The following VPS35L variants were observed in gnomAD, a reference collection of about 807,000 sequenced individuals.
VPS35L encodes the protein VPS35 endosomal protein sorting factor like.
A neutral mutation model predicts 133.0 loss-of-function variants in VPS35L; 83 were observed. The observed-to-expected ratio is 0.62, with a 90% CI of 0.52 to 0.75. The LOEUF (loss-of-function observed/expected upper bound fraction) is 0.75, where lower values mean the gene tolerates loss of function less well. VPS35L is among the 30% of genes least tolerant of loss of function. The probability of loss-of-function intolerance (pLI) is 0.00; values close to 1 mark genes in which losing one functional copy is unlikely to be tolerated. For synonymous variants in VPS35L, 423 were observed against 449.9 expected (o/e 0.94, Z 0.76); for missense variants, 1,083 against 1,206.8 (o/e 0.90, Z 1.52).
At chr16:19,660,897 T>A (rs1052175441) in intron 26 of VPS35L, among the ~76,000 whole-genome samples, 2 of 152,136 alleles carry the variant, frequency 1.3e-5, no homozygotes, top group African/African-American at 4.8e-5. Context: ...GATAAAAGTC[T>A]CCAATAATAT....
chr16:19,581,291 G>A (rs2151517698), intron 6 of VPS35L, among the ~76,000 whole-genome samples: 1 of 152,134 alleles, frequency 6.6e-6, no homozygotes, highest in South Asian at 2.1e-4. Flanking sequence ...AGGTGGCTTA[G>A]GTCTGACTTG....
chr16:19,665,531 T>C (rs900748580), intron 26 of VPS35L, among the ~76,000 whole-genome samples: 26 of 152,366 alleles, frequency 1.7e-4, no homozygotes, highest in African/African-American at 6.3e-4. Flanking sequence ...TATGGCTGCA[T>C]AGTACTCCAT....
At chr16:19,698,692 T>A (rs11859776) in intron 29 of VPS35L, among the ~76,000 whole-genome samples, 8 of 151,942 alleles carry the variant, frequency 5.3e-5, no homozygotes, top group African/African-American at 1.9e-4. Flanking sequence ...GGAGCAGACA[T>A]GAGACTCTTG....
intron 12 of VPS35L, among the ~76,000 whole-genome samples, chr16:19,614,500 TC>T (rs544850798): frequency 3.9e-5 from 6 of 152,254 alleles, no homozygotes; most frequent in Admixed American, 3.9e-4. Context: ...AACCACCACC[TC>T]CCGGGTTCAA....
At chr16:19,616,331 G>T in intron 13 of VPS35L, 140 bp downstream of exon 13, 2 of 716,154 alleles carry the variant, frequency 2.8e-6, no homozygotes, top group East Asian at 5.2e-5. Context: ...ACTAGCTTCT[G>T]TTGTAGACAA....
At position 19,695,457 on chromosome 16, in the gene VPS35L, T is replaced by C. The variant is rs570160331; in HGVS notation, c.2646+3986T>C. ...AAAGATGGAATGTTTCTGAAGAACA[T>C]TTCACGTGGCATCAATACCAGCGAT... On this transcript the variant is annotated intron_variant, in intron 29 of 30. Coordinates refer to ENST00000417362, the MANE Select transcript of VPS35L (RefSeq NM_020314.7). Among the ~76,000 whole-genome samples, 119 of 152,314 alleles carry C rather than the reference T, an allele frequency of 7.8e-4. 1 individual carries two copies. The highest frequency in any genetic ancestry group is 2.6e-3 in the African/African-American group (109 of 41,564).
chr16:19,640,114 C>T lies in VPS35L; in HGVS notation c.1784+14C>T, dbSNP rs770188371. The T allele has an allele frequency of 1.1e-5, 17 of 1,608,168 alleles. No homozygotes were observed. The highest frequency in any genetic ancestry group is 1.6e-4 in the Middle Eastern group (1 of 6,078). Reference sequence around the variant, plus strand: ...CGCCTTTATCAAGTGAGTGCCACTGCGTGCAGCAGAAGCCTTGATTCCCAA... The same window carrying T: ...CGCCTTTATCAAGTGAGTGCCACTGTGTGCAGCAGAAGCCTTGATTCCCAA... On this transcript the variant is annotated intron_variant, in intron 21 of 30. Transcript: ENST00000417362.
At chr16:19,630,769 A>G (rs960556737) in intron 18 of VPS35L, among the ~76,000 whole-genome samples, 15 of 152,022 alleles carry the variant, frequency 9.9e-5, no homozygotes, top group African/African-American at 3.6e-4. Context: ...CAGAGTCCTT[A>G]TGAAGGAGAT....
At chr16:19,642,595 T>C in intron 22 of VPS35L, 119 bp downstream of exon 22, 1 of 837,300 alleles carries the variant, frequency 1.2e-6, no homozygotes, top group Non-Finnish European at 1.7e-6. Context: ...ATTGGGAGTA[T>C]TAAGATTTTT....
intron 8 of VPS35L, among the ~76,000 whole-genome samples, chr16:19,592,937 C>T (rs1460661370): frequency 5.9e-5 from 9 of 151,982 alleles, no homozygotes; most frequent in South Asian, 2.1e-4. Flanking sequence ...CTGCCCTCCT[C>T]GGCCTCCCTA....
intron 29 of VPS35L, among the ~76,000 whole-genome samples, chr16:19,698,158 G>C (rs1239159900): frequency 6.6e-6 from 1 of 152,220 alleles, no homozygotes; most frequent in Non-Finnish European, 1.5e-5. Flanking sequence ...GCACTGGAAA[G>C]AATCTACTTC....
chr16:19,616,897 T>G (rs1239002999), intron 14 of VPS35L, 89 bp downstream of exon 14: 1 of 1,560,312 alleles, frequency 6.4e-7, no homozygotes, highest in African/African-American at 1.4e-5. Flanking sequence ...ATGGGACCCT[T>G]TCATAACAGC....
chr16:19,644,502 T>G (rs1973878949), intron 22 of VPS35L, among the ~76,000 whole-genome samples: 1 of 152,198 alleles, frequency 6.6e-6, no homozygotes. Context: ...CCTTCCTAAG[T>G]GCTGGGATTA....
chr16:19,570,854 TA>T lies in VPS35L; in HGVS notation c.285+1264del, dbSNP rs1971345916. Among the ~76,000 whole-genome samples, 6 of 33,588 alleles carry T rather than the reference TA, an allele frequency of 1.8e-4. 1 individual carries two copies. The South Asian group carries it at 4.3e-3, about 24-fold the overall frequency. 22.0% of individuals were successfully genotyped at this position (33,588 alleles called of 152,430 possible). A position where few individuals can be genotyped will look rare whatever the true frequency, so the allele number is the denominator to read the frequency against. ...TGTTTCATATATATATATATATATA[TA>T]TATATATATATATATATATATATAT... On this transcript the variant is annotated intron_variant, in intron 3 of 30. Coordinates refer to ENST00000417362, the MANE Select transcript of VPS35L (RefSeq NM_020314.7).
At chr16:19,695,834 T>TA (rs1975887608) in intron 29 of VPS35L, among the ~76,000 whole-genome samples, 1 of 151,796 alleles carries the variant, frequency 6.6e-6, no homozygotes, top group Non-Finnish European at 1.5e-5. Context: ...AATAAATAAA[T>TA]AAAAACATGG....
At chr16:19,676,953 A>C (rs1391775643) in intron 27 of VPS35L, among the ~76,000 whole-genome samples, 2 of 152,116 alleles carry the variant, frequency 1.3e-5, no homozygotes, top group East Asian at 3.8e-4. Context: ...TATTAGTAAT[A>C]ACACTTCCAG....
intron 2 of VPS35L, 37 bp downstream of exon 2, chr16:19,564,987 T>TAA: frequency 1.4e-6 from 2 of 1,454,164 alleles, no homozygotes; most frequent in Non-Finnish European, 1.9e-6. Flanking sequence ...ATGATATTCT[T>TAA]ATCCCTTGAA....
intron 3 of VPS35L, among the ~76,000 whole-genome samples, chr16:19,571,315 C>T (rs951225549): frequency 6.6e-6 from 1 of 152,022 alleles, no homozygotes; most frequent in Non-Finnish European, 1.5e-5. Context: ...GTCCTGGGCT[C>T]GAACAATCCC....
intron 1 of VPS35L, among the ~76,000 whole-genome samples, chr16:19,563,500 A>G (rs1264325591): frequency 6.6e-6 from 1 of 151,964 alleles, no homozygotes; most frequent in Non-Finnish European, 1.5e-5. Context: ...CTCTTCAGAG[A>G]CTGTTCTTGC....
Sources: allele counts gnomAD v4.1 joint callset (sites outside exome capture counted in the v4.1 genomes callset), GRCh38; gene constraint gnomAD v4.1.1; transcripts MANE v1.5; gene names NCBI Gene and HGNC (gene_info 2026-07-23, HGNC 2026-07-21).